The following KCNH7 variants were observed in gnomAD, a reference collection of about 807,000 sequenced individuals.
KCNH7 encodes potassium voltage-gated channel subfamily H member 7, also known as voltage-gated inwardly rectifying potassium channel KCNH7.
KCNH7 carries 49 observed loss-of-function variants against 120.8 expected under a neutral mutation model. That is an observed-to-expected ratio of 0.41 (90% CI 0.32 to 0.51). The LOEUF (loss-of-function observed/expected upper bound fraction) is 0.51, where lower values mean the gene tolerates loss of function less well. Ranked by LOEUF, KCNH7 falls within the 20% of genes least tolerant of loss-of-function variation. KCNH7 has a pLI of 0.38. For synonymous variants in KCNH7, 547 were observed against 516.1 expected (o/e 1.06, Z -0.81); for missense variants, 1,097 against 1,446.6 (o/e 0.76, Z 3.92).
At chr2:162,608,896 T>C (rs893610457) in intron 2 of KCNH7, among the ~76,000 whole-genome samples, 7 of 152,218 alleles carry the variant, frequency 4.6e-5, no homozygotes, top group African/African-American at 1.7e-4. Flanking sequence ...TGAAGTACTA[T>C]TAGTTGCCTG....
chr2:162,504,759 AT>A (rs1690812550), intron 5 of KCNH7, 102 bp from the exon 6 acceptor site: 3 of 745,716 alleles, frequency 4.0e-6, no homozygotes, highest in Non-Finnish European at 4.5e-6. Context: ...TATGATCCTG[AT>A]TTGAGTGTGA....
At chr2:162,409,089 C>T (rs1168045062) in intron 9 of KCNH7, among the ~76,000 whole-genome samples, 1 of 151,494 alleles carries the variant, frequency 6.6e-6, no homozygotes, top group Non-Finnish European at 1.5e-5. Flanking sequence ...TTAATGGAGG[C>T]AAATGCTGAA....
chr2:162,664,602 A>G (rs1324964225), intron 2 of KCNH7, among the ~76,000 whole-genome samples: 2 of 152,116 alleles, frequency 1.3e-5, no homozygotes, highest in African/African-American at 2.4e-5. Flanking sequence ...ACTTGGTGAG[A>G]AGAGGAAGGA....
chr2:162,724,124 C>A (rs1035019900), intron 2 of KCNH7, among the ~76,000 whole-genome samples: 1 of 152,062 alleles, frequency 6.6e-6, no homozygotes, highest in Non-Finnish European at 1.5e-5. Flanking sequence ...ATTTTCTAGA[C>A]CTGTTAACAT....
chr2:162,675,137 T>G (rs909383683), intron 2 of KCNH7, among the ~76,000 whole-genome samples: 5 of 151,628 alleles, frequency 3.3e-5, no homozygotes, highest in African/African-American at 1.2e-4. Flanking sequence ...TATATTATGT[T>G]CTGGTTCTAC....
intron 8 of KCNH7, among the ~76,000 whole-genome samples, chr2:162,430,108 CT>C (rs766097108): frequency 1.0e-3 from 156 of 151,778 alleles, no homozygotes; most frequent in Non-Finnish European, 1.7e-3. Context: ...CTGCTTGTTC[CT>C]TTTGAAGCTT....
intron 9 of KCNH7, among the ~76,000 whole-genome samples, chr2:162,414,125 G>A (rs995899055): frequency 2.0e-5 from 3 of 151,886 alleles, no homozygotes; most frequent in Admixed American, 1.3e-4. Flanking sequence ...AACACCCAGC[G>A]CTAGTAAAGG....
chr2:162,621,957 G>A (rs1683378137), intron 2 of KCNH7, among the ~76,000 whole-genome samples: 1 of 152,118 alleles, frequency 6.6e-6, no homozygotes, highest in Admixed American at 6.5e-5. Flanking sequence ...TTAAAGGGTA[G>A]TTTCCTTTTG....
chr2:162,570,811 T>C (rs1033992233), intron 2 of KCNH7, among the ~76,000 whole-genome samples: 1 of 152,084 alleles, frequency 6.6e-6, no homozygotes, highest in East Asian at 1.9e-4. Flanking sequence ...ATTATCTCAA[T>C]AGATGCAGAA....
rs148054799 is a variant in KCNH7 at position 162,445,943 on chromosome 2, T to G, written c.1554+75A>C. 15 of 1,185,388 alleles carry G rather than the reference T, an allele frequency of 1.3e-5. No individual in the cohort carries two copies. The East Asian group carries it at 3.3e-4, about 26-fold the overall frequency. 73.4% of individuals were successfully genotyped at this position (1,185,388 alleles called of 1,614,324 possible). ...TACAAGAAGCTTGCAAAGCAACTCTTCTTTTTGCAGTTAAAATAGATTCAC... is the reference window on the plus strand; with the variant it reads ...TACAAGAAGCTTGCAAAGCAACTCTGCTTTTTGCAGTTAAAATAGATTCAC... On this transcript the variant is annotated intron_variant, in intron 7 of 15. Coordinates refer to ENST00000332142, the MANE Select transcript of KCNH7 (RefSeq NM_033272.4).
intron 4 of KCNH7, among the ~76,000 whole-genome samples, chr2:162,515,522 C>T (rs191122370): frequency 2.4e-4 from 36 of 151,748 alleles, no homozygotes; most frequent in Non-Finnish European, 1.2e-4. Flanking sequence ...AAGTCAGGAT[C>T]TCTCTAGGGA....
chr2:162,589,242 G>A (rs923435320), intron 2 of KCNH7, among the ~76,000 whole-genome samples: 5 of 152,022 alleles, frequency 3.3e-5, no homozygotes, highest in South Asian at 4.2e-4. Context: ...TCGGGAGAGC[G>A]CTGAGAAAGG....
chr2:162,556,111 T>C (rs1006933569), intron 2 of KCNH7, among the ~76,000 whole-genome samples: 3 of 152,098 alleles, frequency 2.0e-5, no homozygotes, highest in Non-Finnish European at 4.4e-5. Flanking sequence ...GCATTTAAAA[T>C]TATATTTTTT....
intron 2 of KCNH7, among the ~76,000 whole-genome samples, chr2:162,656,750 G>A (rs1284847156): frequency 6.6e-6 from 1 of 152,100 alleles, no homozygotes; most frequent in Non-Finnish European, 1.5e-5. Flanking sequence ...TAATTTTGAG[G>A]CATATTTGCT....
chr2:162,458,401 C>T (rs1169944137), intron 6 of KCNH7, among the ~76,000 whole-genome samples: 2 of 152,040 alleles, frequency 1.3e-5, no homozygotes, highest in Admixed American at 6.6e-5. Context: ...CCACCAGCAA[C>T]ATAATGCCTC....
chr2:162,561,751 C>T (rs1212786089), intron 2 of KCNH7, among the ~76,000 whole-genome samples: 1 of 152,248 alleles, frequency 6.6e-6, no homozygotes, highest in East Asian at 1.9e-4. Flanking sequence ...ACTATAAAGA[C>T]ACATGCACAC....
chr2:162,442,117 C>A (rs1688440807), intron 7 of KCNH7, among the ~76,000 whole-genome samples: 1 of 148,218 alleles, frequency 6.7e-6, no homozygotes, highest in Non-Finnish European at 1.5e-5. Flanking sequence ...GCTCCGCCTC[C>A]CAGGTTCACA....
At chr2:162,390,999 A>G (rs1573904913) in intron 12 of KCNH7, among the ~76,000 whole-genome samples, 1 of 151,918 alleles carries the variant, frequency 6.6e-6, no homozygotes. Flanking sequence ...GCAGGTGTGG[A>G]TCAAAGCCGG....
At position 162,671,392 on chromosome 2, in the gene KCNH7, G is replaced by GTTTT. The variant is rs71410023; in HGVS notation, c.308-134316_308-134313dup. Among the ~76,000 whole-genome samples the GTTTT allele has an allele frequency of 7.0e-3, 1,006 of 143,266 alleles. 16 individuals are homozygous for GTTTT. The highest frequency in any genetic ancestry group is 0.066 in the East Asian group (323 of 4,922). The allele number at this position is 143,266 out of a possible 152,430, so 94.0% of individuals were successfully genotyped here. A position where few individuals can be genotyped will look rare whatever the true frequency, so the allele number is the denominator to read the frequency against. On this transcript the variant is annotated intron_variant, in intron 2 of 15. Transcript: ENST00000332142. The stretch of plus-strand genomic sequence containing the variant: ...TCAGCCATTAAAAAAATGAAATCAT[G>GTTTT]TTTTTTTTTTTTTGCAGCAACATGC...
Sources: gnomAD v4.1 joint callset for allele counts (sites outside exome capture counted in the v4.1 genomes callset) on GRCh38, gnomAD v4.1.1 for gene constraint, MANE v1.5 for transcripts, NCBI Gene and HGNC (gene_info 2026-07-23, HGNC 2026-07-21) for gene names.